Variants in TOX2 observed in about 807,000 individuals in gnomAD.
TOX2 encodes the protein granulosa cell HMG box 1.
A neutral mutation model predicts 47.4 loss-of-function variants in TOX2; 15 were observed. The ratio of observed to expected loss-of-function variants is 0.32; its 90% CI spans 0.21 to 0.49. TOX2 has a LOEUF of 0.49. Among genes scored for constraint, TOX2 ranks in the 20% least tolerant of loss-of-function variants. The probability of loss-of-function intolerance (pLI) is 0.99; values close to 1 mark genes in which losing one functional copy is unlikely to be tolerated. For synonymous variants in TOX2, 290 were observed against 296.6 expected (o/e 0.98, Z 0.23); for missense variants, 622 against 673.1 (o/e 0.92, Z 0.84).
chr20:44,037,124 T>A (rs2071253999), intron 3 of TOX2, among the ~76,000 whole-genome samples: 1 of 152,168 alleles, frequency 6.6e-6, no homozygotes, highest in South Asian at 2.1e-4. Flanking sequence ...CAGCTAATTT[T>A]TGTATTTTTA....
In TOX2 at chr20:44,068,819, G is replaced by A; in HGVS notation, c.*133G>A. 1 of 1,240,788 alleles carries A rather than the reference G, an allele frequency of 8.1e-7. No homozygotes were observed. Among genetic ancestry groups the A allele is most frequent in the Non-Finnish European group, 1.2e-6 (1 of 863,594 alleles). 76.9% of individuals were successfully genotyped at this position (1,240,788 alleles called of 1,614,324 possible). A position where few individuals can be genotyped will look rare whatever the true frequency, so the allele number is the denominator to read the frequency against. On this transcript the variant is annotated 3_prime_UTR_variant, in exon 9 of 9. Coordinates refer to ENST00000341197, the MANE Select transcript of TOX2 (RefSeq NM_001098797.2). ...AGAGCAGTGACACACCCATTGCCCG[G>A]GGGCTGAGTCTCTTCCTCAACCTCC...
chr20:43,951,710 T>TTTTTTTTTTTTTTTTTTTTTTTC (rs2069574325), intron 1 of TOX2, among the ~76,000 whole-genome samples: 1 of 113,282 alleles, frequency 8.8e-6, no homozygotes, highest in Non-Finnish European at 1.9e-5. Context: ...TTATTATGTT[T>TTTTTTTTTTTTTTTTTTTTTTTC]TTTTTTTTTT....
chr20:44,051,466 C>T lies in TOX2; in HGVS notation c.572C>T (p.Pro191Leu), dbSNP rs2145752559. 1 of 1,613,826 alleles carries T rather than the reference C, an allele frequency of 6.2e-7. No individual in the cohort carries two copies. Among genetic ancestry groups the T allele is most frequent in the Non-Finnish European group, 8.5e-7 (1 of 1,179,816 alleles). ...CGGAGCAGCATCGCCCACAGCTCCC[C>T]ATCACCGCCGGGGAGCAAGTCAGCG... ...GIRSSIAHSS[P>L]SPPGSKSATP... Residue 191 changes from proline (P) to leucine (L), a missense_variant, in exon 4 of 9, where the codon CCA becomes CTA. Pro to Leu is a moderately conservative substitution (Grantham distance 98). Around this residue, in one of 3 missense-constraint regions of TOX2, gnomAD observed 307 missense variants for 327.3 expected, o/e 0.94. Coordinates refer to ENST00000341197, the MANE Select transcript of TOX2 (RefSeq NM_001098797.2).
At chr20:43,995,803 G>A (rs2070466032) in intron 2 of TOX2, among the ~76,000 whole-genome samples, 1 of 152,122 alleles carries the variant, frequency 6.6e-6, no homozygotes, top group African/African-American at 2.4e-5. Context: ...AAGGATAATG[G>A]CCTCCAGCTC....
At chr20:44,062,799 A>G (rs957568671) in intron 5 of TOX2, among the ~76,000 whole-genome samples, 1 of 152,188 alleles carries the variant, frequency 6.6e-6, no homozygotes, top group African/African-American at 2.4e-5. Context: ...AGGCATATAG[A>G]CCATGGAAAA....
chr20:43,960,151 T>C (rs76369678), intron 1 of TOX2, among the ~76,000 whole-genome samples: 7,883 of 152,292 alleles, frequency 0.052, 253 homozygotes, highest in African/African-American at 0.082. Flanking sequence ...GTGCCTGGCT[T>C]GTTGTTAGTG....
intron 1 of TOX2, among the ~76,000 whole-genome samples, chr20:43,964,810 G>C (rs1232066234): frequency 6.6e-6 from 1 of 152,132 alleles, no homozygotes; most frequent in Non-Finnish European, 1.5e-5. Context: ...TCTGGGATAA[G>C]GGCTGGTATA....
At chr20:44,061,626 G>C (rs1444681898) in intron 5 of TOX2, among the ~76,000 whole-genome samples, 1 of 152,000 alleles carries the variant, frequency 6.6e-6, no homozygotes, top group African/African-American at 2.4e-5. Flanking sequence ...AGAGCAATCA[G>C]ACAAGAGAAA....
chr20:44,042,306 CAT>C (rs2071345561), intron 3 of TOX2, among the ~76,000 whole-genome samples: 1 of 152,228 alleles, frequency 6.6e-6, no homozygotes, highest in Non-Finnish European at 1.5e-5. Context: ...CCTCCCACAA[CAT>C]GTGGGAATTA....
At chr20:43,996,244 T>C (rs1363657772) in intron 2 of TOX2, among the ~76,000 whole-genome samples, 1 of 152,250 alleles carries the variant, frequency 6.6e-6, no homozygotes, top group African/African-American at 2.4e-5. Flanking sequence ...GGTTTTGATT[T>C]GCATTTCTCT....
chr20:43,964,634 C>T (rs1037248161), intron 1 of TOX2, among the ~76,000 whole-genome samples: 4 of 152,200 alleles, frequency 2.6e-5, no homozygotes, highest in African/African-American at 7.2e-5. Context: ...TACAGAACAG[C>T]TGCTGCTTTG....
chr20:43,987,361 GA>G (rs1198476194), intron 2 of TOX2, among the ~76,000 whole-genome samples: 3 of 152,184 alleles, frequency 2.0e-5, no homozygotes, highest in Non-Finnish European at 2.9e-5. Flanking sequence ...AGTTACCCTA[GA>G]GGGGGGTGGG....
intron 2 of TOX2, among the ~76,000 whole-genome samples, chr20:43,990,732 A>T (rs945742645): frequency 6.6e-6 from 1 of 152,094 alleles, no homozygotes; most frequent in African/African-American, 2.4e-5. Flanking sequence ...GGCAGTGTCC[A>T]TGGAGCAGTG....
chr20:44,063,858 A>T (rs1198560563), intron 5 of TOX2, among the ~76,000 whole-genome samples: 2 of 152,186 alleles, frequency 1.3e-5, no homozygotes, highest in Non-Finnish European at 1.5e-5. Flanking sequence ...TGGCATTTGC[A>T]GCAACCTGGA....
intron 3 of TOX2, among the ~76,000 whole-genome samples, chr20:44,041,737 T>G (rs1169100992): frequency 6.6e-6 from 1 of 152,222 alleles, no homozygotes; most frequent in Non-Finnish European, 1.5e-5. Flanking sequence ...CCTTCCTGAA[T>G]CGCATCCAGT....
chr20:44,066,835 G>A lies in TOX2; in HGVS notation c.1462G>A (p.Glu488Lys), dbSNP rs745760466. ...GDWDSSYPSG[E>K]CGISTCSLLP... Reference sequence around the variant, plus strand: ...CTGGGACAGCAGCTACCCCAGTGGGGAGTGTGGCATCAGCACCTGCAGGTT... The same window carrying A: ...CTGGGACAGCAGCTACCCCAGTGGGAAGTGTGGCATCAGCACCTGCAGGTT... The change falls in exon 8 of 9, where the codon GAG becomes AAG. Residue 488 changes from glutamate to lysine, a missense_variant. Glu to Lys is a moderately conservative substitution (Grantham distance 56). Coordinates refer to ENST00000341197, the MANE Select transcript of TOX2 (RefSeq NM_001098797.2). 3 of 1,614,032 alleles carry A rather than the reference G, an allele frequency of 1.9e-6. No individual in the cohort carries two copies. The South Asian group carries it at 3.3e-5, about 18-fold the overall frequency.
At chr20:43,928,943 TG>T (rs2069213098) in intron 1 of TOX2, among the ~76,000 whole-genome samples, 1 of 136,690 alleles carries the variant, frequency 7.3e-6, no homozygotes, top group African/African-American at 2.9e-5. Flanking sequence ...AAGACCAGCC[TG>T]GCCAACATGG....
At chr20:43,933,651 C>T (rs568338913) in intron 1 of TOX2, among the ~76,000 whole-genome samples, 3 of 152,258 alleles carry the variant, frequency 2.0e-5, no homozygotes, top group African/African-American at 7.2e-5. Flanking sequence ...TACGAGAAAG[C>T]GGGTCCCACC....
At chr20:44,025,710 C>G (rs2071051254) in intron 3 of TOX2, among the ~76,000 whole-genome samples, 1 of 151,614 alleles carries the variant, frequency 6.6e-6, no homozygotes, top group African/African-American at 2.4e-5. Context: ...CCCCCACTCT[C>G]AGAAAGAACC....
Sources: allele counts gnomAD v4.1 joint callset (sites outside exome capture counted in the v4.1 genomes callset), GRCh38; gene constraint gnomAD v4.1.1; regional missense constraint gnomAD v4.1.1; transcripts MANE v1.5; gene names NCBI Gene and HGNC (gene_info 2026-07-23, HGNC 2026-07-21).